The following SPTBN2 variants were observed in gnomAD, a reference collection of about 807,000 sequenced individuals.
SPTBN2 encodes spectrin beta chain, non-erythrocytic 2.
SPTBN2 carries 107 observed loss-of-function variants against 284.2 expected under a neutral mutation model. The ratio of observed to expected loss-of-function variants is 0.38; its 90% CI spans 0.32 to 0.44. The LOEUF (loss-of-function observed/expected upper bound fraction) is 0.44, where lower values mean the gene tolerates loss of function less well. SPTBN2 is among the 20% of genes least tolerant of loss of function. SPTBN2 has a pLI of 1.00. For synonymous variants in SPTBN2, 1,289 were observed against 1,354.8 expected (o/e 0.95, Z 1.07); for missense variants, 2,569 against 3,287.1 (o/e 0.78, Z 5.34).
At chr11:66,721,537 G>A (rs551171493) in intron 1 of SPTBN2, 97 bp from the exon 2 acceptor site, 10 of 462,056 alleles carry the variant, frequency 2.2e-5, no homozygotes, top group East Asian at 1.8e-4. Flanking sequence ...CAACGACTTC[G>A]GGCCAGAGAG....
Position 66,689,811 on chromosome 11 carries a change from G to T in SPTBN2, c.5943C>A (p.Ala1981=), listed in dbSNP as rs761380862. ...CCACCCAGGCCTCACCCACCTCCTC[G>T]GCCGCATAGTGGCTCCTGGCCAGCA... ...KELLARSHYA[A]EEISEKLSQL... Residue 1981 remains alanine (A), a synonymous_variant, in exon 29 of 38, where the codon GCC becomes GCA. Transcript: ENST00000533211. 1 of 1,613,340 alleles carries T rather than the reference G, an allele frequency of 6.2e-7. No homozygotes were observed. The highest frequency in any genetic ancestry group is 1.7e-5 in the Admixed American group (1 of 60,000).
intron 1 of SPTBN2, among the ~76,000 whole-genome samples, chr11:66,738,222 ACAAAC>A (rs1346659818): frequency 6.6e-6 from 1 of 152,186 alleles, no homozygotes; most frequent in Non-Finnish European, 1.5e-5. Context: ...TCTCAAAAAA[ACAAAC>A]AAACAAAAAA....
In SPTBN2 at chr11:66,708,276, C is replaced by T. The variant is rs780080630; in HGVS notation, c.1215G>A (p.Ala405=). 68 of 1,597,394 alleles carry T rather than the reference C, an allele frequency of 4.3e-5. No individual in the cohort carries two copies. The highest frequency in any genetic ancestry group is 1.8e-4 in the Middle Eastern group (1 of 5,598). Residue 405 remains alanine, a synonymous_variant, in exon 12 of 38, where the codon GCG becomes GCA. Transcript: ENST00000533211. The surrounding 1 kb of genome is among the most constrained non-coding windows in gnomAD (Gnocchi z 4.4). ...GCAGGGCCAGCTCACGCTCGTGCTC[C>T]GCCTTCTCCAGCCGCTCCCAAGCCT... ...INKAWERLEK[A]EHERELALRT... is the part of the protein sequence containing the mutation.
rs375887259 is a variant in SPTBN2 at position 66,710,937 on chromosome 11, C to T, written c.865G>A (p.Glu289Lys). 3 of 1,614,126 alleles carry T rather than the reference C, an allele frequency of 1.9e-6. No individual in the cohort carries two copies. The African/African-American group carries it at 4.0e-5, about 22-fold the overall frequency. Residue 289 changes from glutamate to lysine, a missense_variant, in exon 9 of 38, where the codon GAA (glutamate) becomes AAA (lysine). Physicochemically the swap from Glu to Lys is moderately conservative, Grantham distance 56 (BLOSUM62 1). Coordinates refer to ENST00000533211, the MANE Select transcript of SPTBN2 (RefSeq NM_006946.4). This position sits in a 1 kb window ranked among gnomAD's most constrained non-coding sequence, Gnocchi z 4.9. ...AGTACCTTGCCAATTCTCTTGCCTT[C>T]CACGGCCAGGGCCTTCATCTTGGAG... ...YFSKMKALAV[E>K]GKRIGKVLDH... is the part of the protein sequence containing the mutation.
chr11:66,689,791 CA>C lies in SPTBN2; in HGVS notation c.5949+13del. The C allele has an allele frequency of 6.2e-7, 1 of 1,612,894 alleles. No homozygotes were observed. Among genetic ancestry groups the C allele is most frequent in the Non-Finnish European group, 8.5e-7 (1 of 1,180,042 alleles). On this transcript the variant is annotated intron_variant, in intron 29 of 37. Coordinates refer to ENST00000533211, the MANE Select transcript of SPTBN2 (RefSeq NM_006946.4). Reference sequence around the variant, plus strand: ...GCACAGTGAGAATGGCCCGGCCACCCAGGCCTCACCCACCTCCTCGGCCGCA... The same window carrying C: ...GCACAGTGAGAATGGCCCGGCCACCCGGCCTCACCCACCTCCTCGGCCGCA...
chr11:66,704,550 C>G lies in SPTBN2; in HGVS notation c.2678+48G>C, dbSNP rs756730043. The stretch of plus-strand genomic sequence containing the variant: ...CTCACCACCCACATCCTGGCCCCCC[C>G]ACCCCCACCTCCCAAGGCTGGTCCC... On this transcript the variant is annotated intron_variant, in intron 15 of 37. Coordinates refer to ENST00000533211, the MANE Select transcript of SPTBN2 (RefSeq NM_006946.4). 9.5e-6 allele frequency: 15 copies of G among 1,579,774 alleles called. No individual in the cohort carries two copies. The Admixed American group carries it at 1.6e-4, about 17-fold the overall frequency.
chr11:66,698,829 G>A (rs201893446), intron 19 of SPTBN2, 44 bp from the exon 20 acceptor site: 1 of 1,610,774 alleles, frequency 6.2e-7, no homozygotes, highest in Non-Finnish European at 8.5e-7. Flanking sequence ...GGAGGGGAGA[G>A]GGGGGCATAA....
intron 1 of SPTBN2, among the ~76,000 whole-genome samples, chr11:66,736,143 G>A (rs567565413): frequency 1.3e-5 from 2 of 152,256 alleles, no homozygotes; most frequent in East Asian, 1.9e-4. Context: ...TAACAGGTGG[G>A]GGTAGGTGGA....
intron 1 of SPTBN2, among the ~76,000 whole-genome samples, chr11:66,736,675 G>C (rs1367446562): frequency 2.6e-5 from 4 of 152,212 alleles, no homozygotes; most frequent in Non-Finnish European, 5.9e-5. Context: ...GATGGCATCT[G>C]TTTAATACTA....
rs1363654834 is a variant in SPTBN2, at chr11:66,704,941, C to T, written c.2335G>A (p.Glu779Lys). ...LVSSPELGHD[E>K]FSTQALARQH... is the part of the protein sequence containing the mutation. ...CTGGCTAGAGCCTGCGTGGAGAACT[C>T]GTCGTGCCCCAGCTCGGGGCTGGAC... The change falls in exon 15 of 38, where the codon GAG (glutamate) becomes AAG (lysine). Residue 779 changes from glutamate to lysine, a missense_variant. Physicochemically the swap from Glu to Lys is moderately conservative, Grantham distance 56. This residue lies in a region of SPTBN2 where 1,012 missense variants were observed against 1,248.9 expected (regional missense o/e 0.81). Coordinates refer to ENST00000533211, the MANE Select transcript of SPTBN2 (RefSeq NM_006946.4). 6 of 1,610,872 alleles carry T rather than the reference C, an allele frequency of 3.7e-6. No individual in the cohort carries two copies. The highest frequency in any genetic ancestry group is 2.7e-5 in the African/African-American group (2 of 74,948).
At chr11:66,689,332 T>C (rs1940377153) in intron 29 of SPTBN2, 152 bp from the exon 30 acceptor site, 6 of 804,770 alleles carry the variant, frequency 7.5e-6, no homozygotes, top group African/African-American at 1.7e-5. Context: ...TGGAATGCAG[T>C]GGCGCAATCT....
rs1212544766 is a variant in SPTBN2, at chr11:66,708,175, G to T, written c.1316C>A (p.Thr439Asn). Residue 439 changes from threonine to asparagine, a missense_variant, in exon 12 of 38, where the codon ACC becomes AAC. Around this residue, in one of 6 missense-constraint regions of SPTBN2, gnomAD observed 1,012 missense variants for 1,248.9 expected, o/e 0.81. Transcript: ENST00000533211. This position sits in a 1 kb window ranked among gnomAD's most constrained non-coding sequence, Gnocchi z 4.4. Reference protein sequence around the residue: ...RFDRKAAMRETWLSENQRLVS... With the variant: ...RFDRKAAMRENWLSENQRLVS... ...GAGGCGCTGGTTCTCGCTGAGCCAG[G>T]TCTCCCGCATGGCAGCCTTGCGGTC... is the stretch of plus-strand genomic sequence containing the variant. The T allele has an allele frequency of 6.2e-7, 1 of 1,613,068 alleles. No homozygotes were observed.
intron 36 of SPTBN2, chr11:66,686,647 G>T: frequency 1.5e-6 from 1 of 665,528 alleles, no homozygotes; most frequent in Non-Finnish European, 2.6e-6. Context: ...GGCAGGGGGA[G>T]CTCACTTCCA....
chr11:66,742,385 A>T (rs1942901705), intron 1 of SPTBN2, among the ~76,000 whole-genome samples: 1 of 152,076 alleles, frequency 6.6e-6, no homozygotes, highest in South Asian at 2.1e-4. Context: ...TCCAGTAGGG[A>T]GGACAGCTGT....
chr11:66,703,903 A>C (rs1941381218), intron 15 of SPTBN2, among the ~76,000 whole-genome samples: 1 of 151,770 alleles, frequency 6.6e-6, no homozygotes. Flanking sequence ...AGCCTCAGCT[A>C]TTTTAAGTCC....
chr11:66,699,325 G>T (rs1314166152), intron 18 of SPTBN2, 81 bp downstream of exon 18: 2 of 1,554,564 alleles, frequency 1.3e-6, no homozygotes, highest in Non-Finnish European at 1.8e-6. Flanking sequence ...TGGGTTTCCT[G>T]TGCCACGTTT....
Position 66,692,586 on chromosome 11 carries a change from C to T in SPTBN2, c.5140G>A (p.Glu1714Lys), listed in dbSNP as rs578257417. 10 of 1,606,486 alleles carry T rather than the reference C, an allele frequency of 6.2e-6. No homozygotes were observed. The highest frequency in any genetic ancestry group is 7.6e-6 in the Non-Finnish European group (9 of 1,179,956). Residue 1714 changes from glutamate to lysine, a missense_variant, in exon 26 of 38, where the codon GAG becomes AAG. By Grantham distance (56) the Glu-to-Lys change is moderately conservative. Around this residue, in one of 6 missense-constraint regions of SPTBN2, gnomAD observed 1,130 missense variants for 1,317.3 expected, o/e 0.86. Transcript: ENST00000533211. Reference protein sequence around the residue: ...DDLEQWIQEREVVAASHELGQ... With the variant: ...DDLEQWIQERKVVAASHELGQ... ...AGCTCGTGGGAGGCCGCCACCACCT[C>T]GCGCTCCTGGATCCACTGTTCCAGG...
In SPTBN2 at chr11:66,694,214, G is replaced by C; in HGVS notation, c.4428C>G (p.Pro1476=). The C allele has an allele frequency of 1.2e-6, 2 of 1,613,952 alleles. No individual in the cohort carries two copies. The highest frequency in any genetic ancestry group is 1.7e-6 in the Non-Finnish European group (2 of 1,180,042). Residue 1476 remains proline, a synonymous_variant, in exon 22 of 38, where the codon CCC becomes CCG. Transcript: ENST00000533211. ...GCAGGCGCCGGCAGCGTTCCCGCATGGGCTGGCACAAGGCCCTGAACTTCT... is the reference window on the plus strand; with the variant it reads ...GCAGGCGCCGGCAGCGTTCCCGCATCGGCTGGCACAAGGCCCTGAACTTCT... ...VEEKFRALCQ[P]MRERCRRLQA...
chr11:66,730,280 G>A (rs1444830998), upstream of SPTBN2, among the ~76,000 whole-genome samples: 1 of 151,972 alleles, frequency 6.6e-6, no homozygotes, highest in Non-Finnish European at 1.5e-5. Context: ...TAAAGCTGAT[G>A]GGATGAGAAT....
Sources: gnomAD v4.1 joint callset for allele counts (sites outside exome capture counted in the v4.1 genomes callset) on GRCh38, gnomAD v4.1.1 for gene constraint, gnomAD v4.1.1 regional missense constraint, Gnocchi (gnomAD v3.1) non-coding constraint, MANE v1.5 for transcripts, NCBI Gene and HGNC (gene_info 2026-07-23, HGNC 2026-07-21) for gene names.